CD226: variants seen among roughly 807,000 people sequenced by gnomAD.
The protein encoded by CD226 is CD226 molecule.
Under a neutral mutation model 34.9 loss-of-function variants are expected in CD226, and 24 were observed. The observed-to-expected ratio is 0.69, with a 90% CI of 0.50 to 0.97. The LOEUF is 0.97. Among genes scored for constraint, CD226 ranks in the 50% least tolerant of loss-of-function variants. The pLI is 0.00. For missense variants in CD226, 397 were observed against 412.7 expected, an observed-to-expected ratio of 0.96 and a Z score of 0.33; for synonymous variants, 148 against 147.4, an observed-to-expected ratio of 1.00 and a Z score of -0.03.
upstream of CD226, among the ~76,000 whole-genome samples, chr18:69,958,410 C>CT (rs1300188858): frequency 2.0e-5 from 3 of 152,234 alleles, no homozygotes; most frequent in African/African-American, 7.2e-5. Flanking sequence ...GTTGGGGCTG[C>CT]TTTTTTGCCT....
At chr18:69,891,525 C>T (rs569494513) in intron 3 of CD226, among the ~76,000 whole-genome samples, 1 of 152,192 alleles carries the variant, frequency 6.6e-6, no homozygotes, top group East Asian at 1.9e-4. Context: ...GCATTCAAAT[C>T]AGAAAGGAAG....
intron 2 of CD226, among the ~76,000 whole-genome samples, chr18:69,900,499 G>A (rs186237809): frequency 1.1e-3 from 164 of 152,150 alleles, no homozygotes; most frequent in Non-Finnish European, 1.4e-3. Context: ...TTGCGAGGCC[G>A]AGGCGGGCGG....
intron 2 of CD226, among the ~76,000 whole-genome samples, chr18:69,937,197 C>T (rs903342089): frequency 1.3e-5 from 2 of 152,142 alleles, no homozygotes; most frequent in East Asian, 1.9e-4. Flanking sequence ...GAATAAATTG[C>T]TTTAATTTGT....
At chr18:69,934,281 C>CATAT (rs56409030) in intron 2 of CD226, among the ~76,000 whole-genome samples, 3 of 148,600 alleles carry the variant, frequency 2.0e-5, no homozygotes, top group Non-Finnish European at 3.0e-5. Context: ...ACAGAGGATA[C>CATAT]ACACACACAC....
Position 69,857,938 on chromosome 18 carries a change from A to C in CD226, c.*6376T>G, listed in dbSNP as rs923047792. On this transcript the variant is annotated 3_prime_UTR_variant, in exon 6 of 6. Transcript: ENST00000582621. ...AAATTTTGGAGGTAGTATGTTACCAAAAAAAATGGTAGTTCTTGTAAAGGT... is the reference window on the plus strand; with the variant it reads ...AAATTTTGGAGGTAGTATGTTACCACAAAAAATGGTAGTTCTTGTAAAGGT... 1.5e-4 allele frequency: 23 copies of C among 152,244 alleles called. No individual in the cohort carries two copies. The highest frequency in any genetic ancestry group is 5.3e-4 in the African/African-American group (22 of 41,540). 9.4% of individuals were successfully genotyped at this position (152,244 alleles called of 1,614,324 possible).
chr18:69,951,238 A>G (rs951355924), upstream of CD226, among the ~76,000 whole-genome samples: 1 of 151,890 alleles, frequency 6.6e-6, no homozygotes, highest in Admixed American at 6.6e-5. Flanking sequence ...TTGGCCTCCT[A>G]AAGTGTTGGG....
chr18:69,883,346 G>A (rs913794249), intron 3 of CD226, among the ~76,000 whole-genome samples: 3 of 152,134 alleles, frequency 2.0e-5, no homozygotes, highest in Admixed American at 6.5e-5. Flanking sequence ...GAAAACAAAC[G>A]AGGTAGGTGA....
At chr18:69,911,093 T>C (rs2055318859) in intron 2 of CD226, among the ~76,000 whole-genome samples, 1 of 152,204 alleles carries the variant, frequency 6.6e-6, no homozygotes, top group African/African-American at 2.4e-5. Flanking sequence ...AGAAACAATG[T>C]TAATTGAAAT....
chr18:69,867,996 G>A (rs757949930), intron 4 of CD226, among the ~76,000 whole-genome samples: 4 of 152,142 alleles, frequency 2.6e-5, no homozygotes, highest in Middle Eastern at 3.4e-3. Context: ...TAAATCCATC[G>A]CCCTCCCTCT....
chr18:69,936,742 T>C (rs1003654703), intron 2 of CD226, among the ~76,000 whole-genome samples: 1 of 152,170 alleles, frequency 6.6e-6, no homozygotes, highest in Non-Finnish European at 1.5e-5. Flanking sequence ...TCAGTTGACT[T>C]GGAATGACTT....
At chr18:69,958,731 G>C (rs2055914958), upstream of CD226, among the ~76,000 whole-genome samples, 1 of 151,132 alleles carries the variant, frequency 6.6e-6, no homozygotes, top group African/African-American at 2.4e-5. Flanking sequence ...ATACAGGCTG[G>C]GGGGTTTTCC....
rs1417840952 is a variant in CD226 at position 69,861,065 on chromosome 18, AACTTGGATGTTCACAATCC to A, written c.*3230_*3248del. On this transcript the variant is annotated 3_prime_UTR_variant, in exon 6 of 6. Coordinates refer to ENST00000582621, the MANE Select transcript of CD226 (RefSeq NM_001303618.2). Reference sequence around the variant, plus strand: ...AATGCCATTCTATACAAACCAATATAACTTGGATGTTCACAATCCACGAATGCCTACTAAAAGTATTTTT... The same window carrying A: ...AATGCCATTCTATACAAACCAATATAACGAATGCCTACTAAAAGTATTTTT... 1.3e-5 allele frequency: 2 copies of A among 152,086 alleles called. No individual in the cohort carries two copies. The highest frequency in any genetic ancestry group is 3.8e-4 in the East Asian group (2 of 5,198). 9.4% of individuals were successfully genotyped at this position (152,086 alleles called of 1,614,324 possible).
intron 1 of CD226, 92 bp downstream of exon 1, chr18:69,947,269 A>T (rs2055805320): frequency 1.0e-6 from 1 of 954,022 alleles, no homozygotes; most frequent in African/African-American, 1.7e-5. Context: ...ATCCTAGCCA[A>T]CTAAAGAGCA....
chr18:69,917,930 A>C (rs1044747710), intron 2 of CD226, among the ~76,000 whole-genome samples: 1 of 152,116 alleles, frequency 6.6e-6, no homozygotes, highest in Non-Finnish European at 1.5e-5. Flanking sequence ...CTTTATAATG[A>C]CCAAGAGCCC....
chr18:69,959,066 T>G (rs1472084472), upstream of CD226, among the ~76,000 whole-genome samples: 1 of 152,200 alleles, frequency 6.6e-6, no homozygotes, highest in Admixed American at 6.5e-5. Flanking sequence ...GGCATCCCAG[T>G]ATCTTGGCCC....
chr18:69,870,602 A>G (rs778773736), intron 4 of CD226, among the ~76,000 whole-genome samples: 1 of 152,136 alleles, frequency 6.6e-6, no homozygotes, highest in African/African-American at 2.4e-5. Flanking sequence ...ACACTTGCCA[A>G]TGTGAGGCTG....
At chr18:69,878,580 A>C (rs1421339631) in intron 3 of CD226, among the ~76,000 whole-genome samples, 1 of 152,190 alleles carries the variant, frequency 6.6e-6, no homozygotes, top group Non-Finnish European at 1.5e-5. Flanking sequence ...TAGAACCTAA[A>C]TAACTGGGCC....
intron 2 of CD226, among the ~76,000 whole-genome samples, chr18:69,920,976 T>C (rs1255699175): frequency 6.6e-6 from 1 of 152,222 alleles, no homozygotes; most frequent in African/African-American, 2.4e-5. Flanking sequence ...CTCAGCCCTG[T>C]GTATTTGTCT....
At chr18:69,920,154 A>G (rs925307009) in intron 2 of CD226, among the ~76,000 whole-genome samples, 2 of 152,140 alleles carry the variant, frequency 1.3e-5, no homozygotes, top group African/African-American at 4.8e-5. Flanking sequence ...GTGAGCCACC[A>G]TGCCTAGCCT....
Sources: allele counts gnomAD v4.1 joint callset (sites outside exome capture counted in the v4.1 genomes callset), GRCh38; gene constraint gnomAD v4.1.1; transcripts MANE v1.5; gene names NCBI Gene and HGNC (gene_info 2026-07-23, HGNC 2026-07-21).